DDX41: variants seen among roughly 807,000 people sequenced by gnomAD.
DDX41 encodes DEAD-box helicase 41.
A neutral mutation model predicts 78.8 loss-of-function variants in DDX41; 50 were observed. That is an observed-to-expected ratio of 0.63 (90% CI 0.51 to 0.80). The LOEUF (loss-of-function observed/expected upper bound fraction) is 0.80, where lower values mean the gene tolerates loss of function less well. Among genes scored for constraint, DDX41 ranks in the 30% least tolerant of loss-of-function variants. The pLI, the probability that DDX41 is intolerant of heterozygous loss-of-function variation, is 0.00. For synonymous variants in DDX41, 381 were observed against 321.5 expected (o/e 1.19, Z -1.98); for missense variants, 633 against 849.2 (o/e 0.75, Z 3.16).
In DDX41 at chr5:177,514,076, G is replaced by A; in HGVS notation, c.936-229C>T. 1 of 678,168 alleles carries A rather than the reference G, an allele frequency of 1.5e-6. No individual in the cohort carries two copies. Among genetic ancestry groups the A allele is most frequent in the Non-Finnish European group, 2.7e-6 (1 of 370,976 alleles). 42.0% of individuals were successfully genotyped at this position (678,168 alleles called of 1,614,324 possible). On this transcript the variant is annotated intron_variant, in intron 9 of 16. Transcript: ENST00000330503. The surrounding 1 kb of genome is among the most constrained non-coding windows in gnomAD (Gnocchi z 4.2). ...CTGGCGCGCCTTCCCCCTTCTCCTG[G>A]GTCAGCCTCTCACCCAGAAGCGCTG...
Position 177,514,067 on chromosome 5 carries a change from C to CT in DDX41, c.936-221dup. The CT allele has an allele frequency of 1.5e-6, 1 of 685,484 alleles. No homozygotes were observed. The allele number at this position is 685,484 out of a possible 1,614,324, so 42.5% of individuals were successfully genotyped here. On this transcript the variant is annotated intron_variant, in intron 9 of 16. Transcript: ENST00000330503. This position sits in a 1 kb window ranked among gnomAD's most constrained non-coding sequence, Gnocchi z 4.2. ...CCGCTCGGCCTGGCGCGCCTTCCCC[C>CT]TTCTCCTGGGTCAGCCTCTCACCCA... is the stretch of plus-strand genomic sequence containing the variant.
At position 177,516,405 on chromosome 5, in the gene DDX41, C is replaced by T. The variant is rs1761234881; in HGVS notation, c.181G>A (p.Glu61Lys). 1.2e-6 allele frequency: 2 copies of T among 1,614,002 alleles called. No homozygotes were observed. The highest frequency in any genetic ancestry group is 1.7e-6 in the Non-Finnish European group (2 of 1,180,034). Residue 61 changes from glutamate (E) to lysine (K), a missense_variant, in exon 3 of 17, where the codon GAA (glutamate) becomes AAA (lysine). This residue lies in a region of DDX41 where 140 missense variants were observed against 115.2 expected (regional missense o/e 1.22). Transcript: ENST00000330503. ...TCACTACCGCTGTCCTGCTGCTCTT[C>T]CTCCGCAGCTCCCTTGCGTCTTCGC... ...LQRRRKGAAE[E>K]EQQDSGSEPR...
At chr5:177,515,604 CT>C in intron 6 of DDX41, 80 bp downstream of exon 6, 1 of 1,552,794 alleles carries the variant, frequency 6.4e-7, no homozygotes, top group Non-Finnish European at 8.8e-7. Context: ...GCAGATGTGG[CT>C]GAGCTCAGTG....
Position 177,514,617 on chromosome 5 carries a change from G to A in DDX41, c.935+84C>T. On this transcript the variant is annotated intron_variant, in intron 9 of 16. Transcript: ENST00000330503. This position sits in a 1 kb window ranked among gnomAD's most constrained non-coding sequence, Gnocchi z 4.2. ...ACAGCAGCCCTCTGTGAAGATCTGT[G>A]GAGTGGCTAAGGTAAAGGGTCCTTT... is the stretch of plus-strand genomic sequence containing the variant. 2 of 1,515,218 alleles carry A rather than the reference G, an allele frequency of 1.3e-6. No homozygotes were observed. The highest frequency in any genetic ancestry group is 1.8e-6 in the Non-Finnish European group (2 of 1,127,080). The allele number at this position is 1,515,218 out of a possible 1,614,324, so 93.9% of individuals were successfully genotyped here. A position where few individuals can be genotyped will look rare whatever the true frequency, so the allele number is the denominator to read the frequency against.
chr5:177,515,836 CAG>C lies in DDX41; in HGVS notation c.435-17_435-16del, dbSNP rs1761203896. ...GTGGAGTCCAGCTGTGGATGGGTAA[CAG>C]GGATCAAGAGAGCCCTGGGAATAGC... On this transcript the variant is annotated splice_polypyrimidine_tract_variant and intron_variant, in intron 5 of 16. Transcript: ENST00000330503. The C allele has an allele frequency of 2.5e-6, 4 of 1,614,052 alleles. No homozygotes were observed. Among genetic ancestry groups the C allele is most frequent in the African/African-American group, 2.7e-5 (2 of 74,924 alleles).
Position 177,513,818 on chromosome 5 carries a change from C to T in DDX41, c.965G>A (p.Gly322Glu), listed in dbSNP as rs779344903. The change falls in exon 10 of 17, where the codon GGG becomes GAG. Residue 322 changes from glycine (G) to glutamate (E), a missense_variant. Coordinates refer to ENST00000330503, the MANE Select transcript of DDX41 (RefSeq NM_016222.4). The surrounding 1 kb of genome is among the most constrained non-coding windows in gnomAD (Gnocchi z 4.6). ...CTTCTGCAGCAAATCCATGAGGCGC[C>T]CCGGGGTGGCCACCATCATGTGTAC... The part of the protein sequence containing the change: ...HGVHMMVATP[G>E]RLMDLLQKKM... 1 of 1,613,674 alleles carries T rather than the reference C, an allele frequency of 6.2e-7. No homozygotes were observed. Among genetic ancestry groups the T allele is most frequent in the Non-Finnish European group, 8.5e-7 (1 of 1,179,992 alleles).
chr5:177,512,244 G>T, intron 15 of DDX41, 38 bp from the exon 16 acceptor site: 1 of 1,613,824 alleles, frequency 6.2e-7, no homozygotes, highest in Non-Finnish European at 8.5e-7. Context: ...GCCCATCCTG[G>T]GCTCTGTGGC....
intron 12 of DDX41, 62 bp downstream of exon 12, chr5:177,512,949 C>G: frequency 6.2e-7 from 1 of 1,608,662 alleles, no homozygotes; most frequent in East Asian, 2.2e-5. Context: ...GGCACTCTGT[C>G]CCCTCCAAAG....
In DDX41 at chr5:177,514,610, G is replaced by C; in HGVS notation, c.935+91C>G. The C allele has an allele frequency of 1.3e-6, 2 of 1,502,270 alleles. No homozygotes were observed. The highest frequency in any genetic ancestry group is 2.5e-5 in the South Asian group (2 of 78,536). 93.1% of individuals were successfully genotyped at this position (1,502,270 alleles called of 1,614,324 possible). On this transcript the variant is annotated intron_variant, in intron 9 of 16. Transcript: ENST00000330503. The surrounding 1 kb of genome is among the most constrained non-coding windows in gnomAD (Gnocchi z 4.2). ...CGCACTCACAGCAGCCCTCTGTGAAGATCTGTGGAGTGGCTAAGGTAAAGG... is the reference window on the plus strand; with the variant it reads ...CGCACTCACAGCAGCCCTCTGTGAACATCTGTGGAGTGGCTAAGGTAAAGG...
chr5:177,516,129 G>A lies in DDX41; in HGVS notation c.363C>T (p.Ala121=), dbSNP rs762692365. ...KEEEKILESV[A]EGRALMSVKE... is the part of the protein sequence containing the mutation. ...TGGCTACAACCATACCTCGGCCCTC[G>A]GCAACACTCTCCAGGATCTTCTCTT... Residue 121 remains alanine (A), a synonymous_variant, in exon 4 of 17, where the codon GCC becomes GCT. Transcript: ENST00000330503. 1.9e-6 allele frequency: 3 copies of A among 1,613,938 alleles called. No homozygotes were observed. The highest frequency in any genetic ancestry group is 1.1e-5 in the South Asian group (1 of 91,068).
rs746817865 is a variant in DDX41 at position 177,516,100 on chromosome 5, A to G, written c.373+19T>C. The G allele has an allele frequency of 8.1e-6, 13 of 1,613,916 alleles. No individual in the cohort carries two copies. Among genetic ancestry groups the G allele is most frequent in the East Asian group, 2.2e-5 (1 of 44,902 alleles). ...AGAAGACTCAGTCCACCTTCTCACT[A>G]TCCTGGCTACAACCATACCTCGGCC... On this transcript the variant is annotated intron_variant, in intron 4 of 16. Coordinates refer to ENST00000330503, the MANE Select transcript of DDX41 (RefSeq NM_016222.4).
chr5:177,513,950 A>C lies in DDX41; in HGVS notation c.936-103T>G. ...TGCTCTGCTCTCTGTCCTCCTTCCTATTTCTTTGTCTGTCCCCTTCTCATC... is the reference window on the plus strand; with the variant it reads ...TGCTCTGCTCTCTGTCCTCCTTCCTCTTTCTTTGTCTGTCCCCTTCTCATC... On this transcript the variant is annotated intron_variant, in intron 9 of 16. Transcript: ENST00000330503. This position sits in a 1 kb window ranked among gnomAD's most constrained non-coding sequence, Gnocchi z 4.6. 1 of 1,205,352 alleles carries C rather than the reference A, an allele frequency of 8.3e-7. No homozygotes were observed. The highest frequency in any genetic ancestry group is 1.3e-5 in the South Asian group (1 of 74,212). 74.7% of individuals were successfully genotyped at this position (1,205,352 alleles called of 1,614,324 possible). A position where few individuals can be genotyped will look rare whatever the true frequency, so the allele number is the denominator to read the frequency against.
intron 2 of DDX41, 23 bp downstream of exon 2, chr5:177,516,702 C>T: frequency 6.4e-7 from 1 of 1,567,898 alleles, no homozygotes; most frequent in Non-Finnish European, 8.6e-7. Flanking sequence ...GGCCCCATCC[C>T]TCCCCGGACG....
At position 177,514,712 on chromosome 5, in the gene DDX41, C is replaced by G; in HGVS notation, c.924G>C (p.Glu308Asp). The change falls in exon 9 of 17, where the codon GAG (glutamate) becomes GAC (aspartate). Residue 308 changes from glutamate to aspartate, a missense_variant. Glu to Asp is a conservative substitution (Grantham distance 45, BLOSUM62 2). Transcript: ENST00000330503. This position sits in a 1 kb window ranked among gnomAD's most constrained non-coding sequence, Gnocchi z 4.2. The part of the protein sequence containing the change: ...IGGMSVKEQM[E>D]TIRHGVHMMV... ...GCGCCAGCACTCACTGTCGGATGGT[C>G]TCCATCTGCTCTTTCACGGACATGC... The G allele has an allele frequency of 6.2e-7, 1 of 1,611,696 alleles. No homozygotes were observed. Among genetic ancestry groups the G allele is most frequent in the Non-Finnish European group, 8.5e-7 (1 of 1,179,176 alleles).
rs1233342201 is a variant in DDX41, at chr5:177,514,865, C to G, written c.799-28G>C. On this transcript the variant is annotated intron_variant, in intron 8 of 16. Coordinates refer to ENST00000330503, the MANE Select transcript of DDX41 (RefSeq NM_016222.4). The surrounding 1 kb of genome is among the most constrained non-coding windows in gnomAD (Gnocchi z 4.2). Reference sequence around the variant, plus strand: ...GCAGGCAGAGGGACAAAGGCTGGCACCAGATGGCAGCCCCAATCTCTGGCC... The same window carrying G: ...GCAGGCAGAGGGACAAAGGCTGGCAGCAGATGGCAGCCCCAATCTCTGGCC... The G allele has an allele frequency of 1.2e-6, 2 of 1,605,304 alleles. No homozygotes were observed. The highest frequency in any genetic ancestry group is 1.1e-5 in the South Asian group (1 of 90,946).
rs1561731206 is a variant in DDX41 at position 177,512,660 on chromosome 5, G to A, written c.1400-15C>T. ...TTCCTCCTGGTCTGGGGAGGGTCAGGCAGACACTGTCAGAGCCACCATGGG... is the reference window on the plus strand; with the variant it reads ...TTCCTCCTGGTCTGGGGAGGGTCAGACAGACACTGTCAGAGCCACCATGGG... On this transcript the variant is annotated splice_polypyrimidine_tract_variant and intron_variant, in intron 13 of 16. Transcript: ENST00000330503. 4 of 1,613,850 alleles carry A rather than the reference G, an allele frequency of 2.5e-6. No homozygotes were observed. The highest frequency in any genetic ancestry group is 1.1e-5 in the South Asian group (1 of 91,082).
chr5:177,512,948 T>C, intron 12 of DDX41, 63 bp downstream of exon 12: 2 of 1,608,202 alleles, frequency 1.2e-6, no homozygotes, highest in Non-Finnish European at 8.5e-7. Context: ...TGGCACTCTG[T>C]CCCCTCCAAA....
chr5:177,514,870 T>C lies in DDX41; in HGVS notation c.799-33A>G, dbSNP rs774371727. ...CAGAGGGACAAAGGCTGGCACCAGA[T>C]GGCAGCCCCAATCTCTGGCCTGCCC... On this transcript the variant is annotated intron_variant, in intron 8 of 16. Transcript: ENST00000330503. This position sits in a 1 kb window ranked among gnomAD's most constrained non-coding sequence, Gnocchi z 4.2. The C allele has an allele frequency of 6.2e-7, 1 of 1,604,760 alleles. No homozygotes were observed. The highest frequency in any genetic ancestry group is 2.2e-5 in the East Asian group (1 of 44,604).
rs1373427005 is a variant in DDX41, at chr5:177,511,928, C to CT, written c.1733-2dup. 6.2e-7 allele frequency: 1 copy of CT among 1,613,676 alleles called. No individual in the cohort carries two copies. The highest frequency in any genetic ancestry group is 2.2e-5 in the East Asian group (1 of 44,896). Reference sequence around the variant, plus strand: ...CCGCAGAAGGCACAGCCGCGCTCTCCTGGGGGAATGGGGACAGGGGTCAGC... The same window carrying CT: ...CCGCAGAAGGCACAGCCGCGCTCTCCTTGGGGGAATGGGGACAGGGGTCAGC... On this transcript the variant is annotated splice_acceptor_variant, in intron 16 of 16. Transcript: ENST00000330503. LOFTEE classifies it high-confidence loss of function.
Sources: gnomAD v4.1 joint callset for allele counts on GRCh38, gnomAD v4.1.1 for gene constraint, gnomAD v4.1.1 regional missense constraint, Gnocchi (gnomAD v3.1) non-coding constraint, MANE v1.5 for transcripts, NCBI Gene and HGNC (gene_info 2026-07-23, HGNC 2026-07-21) for gene names.